The following GALNTL6 variants were observed in gnomAD, a reference collection of about 807,000 sequenced individuals.
GALNTL6 encodes polypeptide N-acetylgalactosaminyltransferase-like 6.
GALNTL6 carries 46 observed loss-of-function variants against 73.7 expected under a neutral mutation model. The observed-to-expected ratio is 0.62, with a 90% CI of 0.49 to 0.80. The LOEUF is 0.80. Ranked by LOEUF, GALNTL6 falls within the 30% of genes least tolerant of loss-of-function variation. GALNTL6 has a pLI of 0.00. For missense variants in GALNTL6, 604 were observed against 755.0 expected, an observed-to-expected ratio of 0.80 and a Z score of 2.34; for synonymous variants, 259 against 263.7, an observed-to-expected ratio of 0.98 and a Z score of 0.17.
intron 4 of GALNTL6, among the ~76,000 whole-genome samples, chr4:172,322,070 C>A (rs866694490): frequency 6.6e-6 from 1 of 152,122 alleles, no homozygotes; most frequent in African/African-American, 2.4e-5. Context: ...AGCATTCATA[C>A]AACTCCAGTA....
At chr4:173,025,702 A>G (rs141459316) in intron 12 of GALNTL6, among the ~76,000 whole-genome samples, 1 of 152,310 alleles carries the variant, frequency 6.6e-6, no homozygotes, top group African/African-American at 2.4e-5. Context: ...TAGCCTCTCA[A>G]TACTCATCTG....
At chr4:172,034,140 T>G (rs1741853335) in intron 2 of GALNTL6, among the ~76,000 whole-genome samples, 1 of 152,044 alleles carries the variant, frequency 6.6e-6, no homozygotes, top group Admixed American at 6.6e-5. Context: ...ACCATCTAAG[T>G]TTTATTCTAT....
At chr4:172,451,976 A>G (rs556978765) in intron 5 of GALNTL6, among the ~76,000 whole-genome samples, 1 of 152,274 alleles carries the variant, frequency 6.6e-6, no homozygotes, top group Non-Finnish European at 1.5e-5. Flanking sequence ...GTACCGCTGC[A>G]CTCCAGCCTG....
intron 5 of GALNTL6, among the ~76,000 whole-genome samples, chr4:172,462,462 A>G (rs1305842245): frequency 2.6e-5 from 4 of 152,170 alleles, no homozygotes; most frequent in Admixed American, 2.6e-4. Context: ...AATCAAAAAC[A>G]GATAGCTTCT....
chr4:172,296,208 A>G (rs1421198901), intron 3 of GALNTL6, among the ~76,000 whole-genome samples: 1 of 152,162 alleles, frequency 6.6e-6, no homozygotes, highest in Non-Finnish European at 1.5e-5. Context: ...ACTCCAATGA[A>G]TATTTTGCCT....
intron 7 of GALNTL6, among the ~76,000 whole-genome samples, chr4:172,881,835 A>T (rs1466350100): frequency 1.3e-5 from 2 of 152,176 alleles, no homozygotes; most frequent in South Asian, 2.1e-4. Flanking sequence ...AAACAGAAAC[A>T]GTGTTGTGGT....
chr4:172,669,365 T>C lies in GALNTL6; in HGVS notation c.554-139996T>C, dbSNP rs187308543. On this transcript the variant is annotated intron_variant, in intron 5 of 12. Transcript: ENST00000506823. ...CGTTTGAGAATTGCCAAAAATAATCTACCTCAAAATATATTCACATATGCA... is the reference window on the plus strand; with the variant it reads ...CGTTTGAGAATTGCCAAAAATAATCCACCTCAAAATATATTCACATATGCA... Among the ~76,000 whole-genome samples the C allele has an allele frequency of 2.0e-5, 3 of 152,288 alleles. No individual in the cohort carries two copies. In the East Asian group the frequency reaches 5.8e-4, roughly 29 times the overall value.
chr4:172,859,543 C>T lies in GALNTL6; in HGVS notation c.924-23247C>T, dbSNP rs143412404. 5.9e-4 allele frequency among the ~76,000 whole-genome samples: 89 copies of T among 151,778 alleles called. 1 individual carries two copies. Among genetic ancestry groups the T allele is most frequent in the East Asian group, 5.2e-3 (27 of 5,156 alleles). On this transcript the variant is annotated intron_variant, in intron 7 of 12. Transcript: ENST00000506823. ...ATTCCTTAAAGGGAAATAATGCTGC[C>T]GTTCGTTAAGTAAATGATAGAATGC... is the stretch of plus-strand genomic sequence containing the variant.
At chr4:171,831,147 T>A (rs1734958924) in intron 2 of GALNTL6, among the ~76,000 whole-genome samples, 1 of 151,986 alleles carries the variant, frequency 6.6e-6, no homozygotes, top group South Asian at 2.1e-4. Flanking sequence ...CCAGCACAAG[T>A]CCTCCTTTGA....
intron 2 of GALNTL6, among the ~76,000 whole-genome samples, chr4:172,210,718 A>G (rs915183115): frequency 2.0e-5 from 3 of 152,146 alleles, no homozygotes; most frequent in African/African-American, 7.2e-5. Context: ...GTCTTACAGT[A>G]CCCATTGGAG....
intron 2 of GALNTL6, among the ~76,000 whole-genome samples, chr4:172,111,743 A>G (rs917234053): frequency 6.6e-6 from 1 of 151,912 alleles, no homozygotes; most frequent in Admixed American, 6.6e-5. Context: ...TATACATTTT[A>G]TTTTTTGTAA....
chr4:172,273,582 G>A (rs1299474274), intron 3 of GALNTL6, among the ~76,000 whole-genome samples: 1 of 152,182 alleles, frequency 6.6e-6, no homozygotes, highest in African/African-American at 2.4e-5. Context: ...AGGAAAGTCA[G>A]ACAGACTTCC....
Position 172,093,052 on chromosome 4 carries a change from T to C in GALNTL6, c.139-136604T>C, listed in dbSNP as rs114482026. Among the ~76,000 whole-genome samples, 1,065 of 152,028 alleles carry C rather than the reference T, an allele frequency of 7.0e-3. 18 individuals are homozygous for C. Among genetic ancestry groups the C allele is most frequent in the African/African-American group, 0.024 (987 of 41,468 alleles). On this transcript the variant is annotated intron_variant, in intron 2 of 12. Transcript: ENST00000506823. ...CCACGCCTGACTAATTTTTTGTATT[T>C]GTGTAAAGATGGGGTTTCACCATGT...
intron 7 of GALNTL6, among the ~76,000 whole-genome samples, chr4:172,879,562 A>G (rs927622628): frequency 6.6e-6 from 1 of 151,942 alleles, no homozygotes; most frequent in Non-Finnish European, 1.5e-5. Flanking sequence ...ATTAAAAAAT[A>G]TTTTGAACTG....
At chr4:172,930,042 C>T (rs796193177) in intron 8 of GALNTL6, among the ~76,000 whole-genome samples, 3 of 152,120 alleles carry the variant, frequency 2.0e-5, no homozygotes, top group African/African-American at 4.8e-5. Context: ...TTTAGGAGGC[C>T]GAGGTGGGCG....
In GALNTL6 at chr4:172,836,854, G is replaced by A. The variant is rs184968362; in HGVS notation, c.923+23131G>A. On this transcript the variant is annotated intron_variant, in intron 7 of 12. Transcript: ENST00000506823. The stretch of plus-strand genomic sequence containing the variant: ...AAGGAACATTGATGATCTAATTGCC[G>A]AGCTGTAATTCTGTATTCTGTCCCC... 5.3e-5 allele frequency among the ~76,000 whole-genome samples: 8 copies of A among 152,176 alleles called. No individual in the cohort carries two copies. In the East Asian group the frequency reaches 5.8e-4, roughly 11 times the overall value.
At chr4:172,531,815 G>A (rs1735179743) in intron 5 of GALNTL6, among the ~76,000 whole-genome samples, 1 of 152,174 alleles carries the variant, frequency 6.6e-6, no homozygotes, top group Non-Finnish European at 1.5e-5. Flanking sequence ...GGAGGGTAAG[G>A]CCAGGTGGGA....
chr4:172,948,353 A>G (rs79287234), intron 9 of GALNTL6, among the ~76,000 whole-genome samples: 1 of 152,218 alleles, frequency 6.6e-6, no homozygotes, highest in Non-Finnish European at 1.5e-5. Context: ...ATGATTTCAC[A>G]TGATCCTTGG....
intron 2 of GALNTL6, among the ~76,000 whole-genome samples, chr4:171,960,197 G>C (rs1739179144): frequency 6.6e-6 from 1 of 151,992 alleles, no homozygotes; most frequent in African/African-American, 2.4e-5. Context: ...CTAACATCAG[G>C]GACACAATAT....
Sources: gnomAD v4.1 joint callset for allele counts (sites outside exome capture counted in the v4.1 genomes callset) on GRCh38, gnomAD v4.1.1 for gene constraint, MANE v1.5 for transcripts, NCBI Gene and HGNC (gene_info 2026-07-23, HGNC 2026-07-21) for gene names.